The following MCCC1 variants were observed in gnomAD, a reference collection of about 807,000 sequenced individuals.
The protein encoded by MCCC1 is methylcrotonoyl-CoA carboxylase subunit alpha, mitochondrial.
Under a neutral mutation model 83.8 loss-of-function variants are expected in MCCC1, and 64 were observed. That is an observed-to-expected ratio of 0.76 (90% CI 0.62 to 0.94). The LOEUF (loss-of-function observed/expected upper bound fraction) is 0.94, where lower values mean the gene tolerates loss of function less well. Among genes scored for constraint, MCCC1 ranks in the 40% least tolerant of loss-of-function variants. The pLI, the probability that MCCC1 is intolerant of heterozygous loss-of-function variation, is 0.00. For synonymous variants in MCCC1, 322 were observed against 315.4 expected (o/e 1.02, Z -0.22); for missense variants, 807 against 904.7 (o/e 0.89, Z 1.39).
chr3:183,045,617 A>G (rs996419015), intron 9 of MCCC1, 77 bp from the exon 10 acceptor site: 66 of 1,496,888 alleles, frequency 4.4e-5, no homozygotes, highest in Non-Finnish European at 5.6e-5. Flanking sequence ...GATGCATCAC[A>G]TCAAGTTTTA....
intron 4 of MCCC1, among the ~76,000 whole-genome samples, chr3:183,083,380 T>G (rs1717657498): frequency 6.6e-6 from 1 of 152,246 alleles, no homozygotes; most frequent in South Asian, 2.1e-4. Context: ...TCTGATTTAA[T>G]TCCAATGTTC....
chr3:183,107,127 A>C (rs1719418571), intron 1 of MCCC1, among the ~76,000 whole-genome samples: 1 of 152,126 alleles, frequency 6.6e-6, no homozygotes, highest in Admixed American at 6.5e-5. Context: ...TGTAGTGGCC[A>C]GGCGCAGTGG....
intron 16 of MCCC1, 145 bp downstream of exon 16, chr3:183,022,272 C>G: frequency 1.0e-6 from 1 of 979,266 alleles, no homozygotes; most frequent in South Asian, 1.4e-5. Context: ...CAAAGAAACA[C>G]AGAATGGTGG....
chr3:183,067,510 G>A (rs775009875), intron 7 of MCCC1, among the ~76,000 whole-genome samples: 7 of 152,174 alleles, frequency 4.6e-5, no homozygotes, highest in East Asian at 1.9e-4. Flanking sequence ...ATGGGAAACC[G>A]GAGAGAGAAA....
intron 2 of MCCC1, among the ~76,000 whole-genome samples, chr3:183,092,819 T>C (rs149374028): frequency 6.6e-6 from 1 of 152,346 alleles, no homozygotes; most frequent in African/African-American, 2.4e-5. Flanking sequence ...GATGCTTTGT[T>C]ATGCCAAGGA....
intron 4 of MCCC1, 57 bp downstream of exon 4, chr3:183,086,636 G>T (rs980880630): frequency 3.4e-6 from 5 of 1,469,796 alleles, no homozygotes; most frequent in African/African-American, 2.8e-5. Flanking sequence ...AAGTAACTTT[G>T]CATCAGTTGC....
upstream of MCCC1, among the ~76,000 whole-genome samples, chr3:183,103,590 G>T (rs1203283425): frequency 6.6e-6 from 1 of 152,086 alleles, no homozygotes; most frequent in Non-Finnish European, 1.5e-5. Flanking sequence ...GGTGCTGATT[G>T]GTGTGTTTAC....
intron 8 of MCCC1, among the ~76,000 whole-genome samples, chr3:183,056,394 T>C (rs1715427671): frequency 1.3e-5 from 2 of 152,156 alleles, no homozygotes. Flanking sequence ...CCCATGGCAG[T>C]AGCAACCTCC....
intron 6 of MCCC1, 32 bp downstream of exon 6, chr3:183,071,178 G>T: frequency 6.2e-7 from 1 of 1,614,152 alleles, no homozygotes; most frequent in Non-Finnish European, 8.5e-7. Context: ...AGACAAGCCT[G>T]AATTGGCAAA....
In MCCC1 at chr3:183,074,418, A is replaced by C. The variant is rs186566621; in HGVS notation, c.370-1931T>G. 7.6e-4 allele frequency among the ~76,000 whole-genome samples: 115 copies of C among 152,294 alleles called. 1 individual carries two copies. Among genetic ancestry groups the C allele is most frequent in the Admixed American group, 4.5e-3 (69 of 15,294 alleles). ...ATGATTTAATGAGTGATGAAGCCAC[A>C]CCCTCTCCAACATCAGTAGCCCTGA... is the stretch of plus-strand genomic sequence containing the variant. On this transcript the variant is annotated intron_variant, in intron 4 of 18. Transcript: ENST00000265594.
Position 183,034,849 on chromosome 3 carries a change from C to T in MCCC1, c.1595-772G>A, listed in dbSNP as rs183925451. Among the ~76,000 whole-genome samples, 8 of 151,208 alleles carry T rather than the reference C, an allele frequency of 5.3e-5. No individual in the cohort carries two copies. In the East Asian group the frequency reaches 1.6e-3, roughly 29 times the overall value. ...ATGGAGTGCAGTGGCATGATCTTGG[C>T]TCACTGCAACCTCCACCTCCTGGGT... On this transcript the variant is annotated intron_variant, in intron 13 of 18. Coordinates refer to ENST00000265594, the MANE Select transcript of MCCC1 (RefSeq NM_020166.5).
At chr3:183,068,835 A>G (rs984555358) in intron 7 of MCCC1, among the ~76,000 whole-genome samples, 8 of 152,232 alleles carry the variant, frequency 5.3e-5, no homozygotes, top group African/African-American at 1.9e-4. Context: ...ACAGTATTCA[A>G]TACAGTAACG....
rs754488609 is a variant in MCCC1 at position 183,057,459 on chromosome 3, T to A, written c.762-37A>T. 2.3e-5 allele frequency: 33 copies of A among 1,463,154 alleles called. No individual in the cohort carries two copies. In the African/African-American group the frequency reaches 4.5e-4, roughly 20 times the overall value. 90.6% of individuals were successfully genotyped at this position (1,463,154 alleles called of 1,614,324 possible). ...CAAACATGTATGTTAATATATTTGTTAGGGGTGATAAATATCACATTCGTT... is the reference window on the plus strand; with the variant it reads ...CAAACATGTATGTTAATATATTTGTAAGGGGTGATAAATATCACATTCGTT... On this transcript the variant is annotated intron_variant, in intron 7 of 18. Transcript: ENST00000265594.
At chr3:183,075,026 T>C (rs1016676927) in intron 4 of MCCC1, among the ~76,000 whole-genome samples, 2 of 152,214 alleles carry the variant, frequency 1.3e-5, no homozygotes, top group Non-Finnish European at 2.9e-5. Context: ...GCTCCATCCA[T>C]GTTCCCGCAA....
At chr3:183,079,386 G>A in intron 4 of MCCC1, among the ~76,000 whole-genome samples, 1 of 152,148 alleles carries the variant, frequency 6.6e-6, no homozygotes, top group Non-Finnish European at 1.5e-5. Flanking sequence ...AAATAAAAGG[G>A]CTACAGGCTC....
chr3:183,057,260 G>C, intron 8 of MCCC1, 51 bp downstream of exon 8: 2 of 1,357,990 alleles, frequency 1.5e-6, no homozygotes, highest in African/African-American at 1.4e-5. Flanking sequence ...GAAAATCAGA[G>C]TAAGATTCAC....
At chr3:183,068,702 A>C (rs1158144158) in intron 7 of MCCC1, among the ~76,000 whole-genome samples, 1 of 152,248 alleles carries the variant, frequency 6.6e-6, no homozygotes, top group Non-Finnish European at 1.5e-5. Flanking sequence ...TGGTGATTTC[A>C]TAAGATTATG....
chr3:183,041,794 G>C, intron 10 of MCCC1, 44 bp from the exon 11 acceptor site: 1 of 1,604,858 alleles, frequency 6.2e-7, no homozygotes. Flanking sequence ...CCGTATAGCG[G>C]CTACCAGACT....
At chr3:183,083,371 C>T (rs1011550585) in intron 4 of MCCC1, among the ~76,000 whole-genome samples, 2 of 152,210 alleles carry the variant, frequency 1.3e-5, no homozygotes, top group Non-Finnish European at 2.9e-5. Flanking sequence ...GCTAAATTTT[C>T]TGATTTAATT....
Sources: gnomAD v4.1 joint callset for allele counts (sites outside exome capture counted in the v4.1 genomes callset) on GRCh38, gnomAD v4.1.1 for gene constraint, MANE v1.5 for transcripts, NCBI Gene and HGNC (gene_info 2026-07-23, HGNC 2026-07-21) for gene names.